The following CMTM8 variants were observed in gnomAD, a reference collection of about 807,000 sequenced individuals.
CMTM8 encodes CKLF-like MARVEL transmembrane domain-containing protein 8.
Under a neutral mutation model 18.6 loss-of-function variants are expected in CMTM8, and 12 were observed. That is an observed-to-expected ratio of 0.65 (90% CI 0.41 to 1.05). CMTM8 has a LOEUF of 1.05. CMTM8 is among the 50% of genes least tolerant of loss of function. CMTM8 has a pLI of 0.00. For missense variants in CMTM8, 217 were observed against 227.2 expected (o/e 0.95, Z 0.29); for synonymous variants, 87 against 90.6 (o/e 0.96, Z 0.23).
In CMTM8 at chr3:32,304,630, C is replaced by T. The variant is rs923090435; in HGVS notation, c.148-52743C>T. Among the ~76,000 whole-genome samples the T allele has an allele frequency of 2.0e-5, 3 of 152,202 alleles. No homozygotes were observed. In the South Asian group the frequency reaches 6.2e-4, roughly 32 times the overall value. On this transcript the variant is annotated intron_variant, in intron 1 of 3. Coordinates refer to ENST00000307526, the MANE Select transcript of CMTM8 (RefSeq NM_178868.5). The stretch of plus-strand genomic sequence containing the variant: ...ATATTTGTCTGGAGTTAGTAGCCTG[C>T]AATGATTACCGAAGGTCCAGATGAG...
intron 1 of CMTM8, among the ~76,000 whole-genome samples, chr3:32,346,814 C>CTTTT (rs34230571): frequency 6.8e-5 from 9 of 131,456 alleles, no homozygotes; most frequent in African/African-American, 8.2e-5. Flanking sequence ...TGTTATAATT[C>CTTTT]TTTTTTTTTT....
chr3:32,250,481 G>A (rs1386017161), intron 1 of CMTM8, among the ~76,000 whole-genome samples: 1 of 152,126 alleles, frequency 6.6e-6, no homozygotes, highest in Admixed American at 6.5e-5. Context: ...GGTGAGTACT[G>A]CCATCATAAC....
At chr3:32,241,104 A>G (rs1701941749) in intron 1 of CMTM8, among the ~76,000 whole-genome samples, 1 of 152,082 alleles carries the variant, frequency 6.6e-6, no homozygotes, top group Admixed American at 6.5e-5. Context: ...ACATATTTTA[A>G]AGATTCGGTC....
intron 2 of CMTM8, among the ~76,000 whole-genome samples, chr3:32,361,286 G>GTTTGTTTTTTTTTTGTT (rs140270969): frequency 1.1e-5 from 1 of 87,230 alleles, no homozygotes; most frequent in Non-Finnish European, 2.4e-5. Flanking sequence ...CAGCCTAAGA[G>GTTTGTTTTTTTTTTGTT]TTTTTTTTTC....
intron 1 of CMTM8, among the ~76,000 whole-genome samples, chr3:32,309,277 C>T (rs192522221): frequency 2.0e-4 from 30 of 146,786 alleles, no homozygotes; most frequent in Non-Finnish European, 4.0e-4. Flanking sequence ...TCAAGCATGG[C>T]TGAGCTCTCA....
chr3:32,328,707 G>T (rs1484076176), intron 1 of CMTM8, among the ~76,000 whole-genome samples: 1 of 152,092 alleles, frequency 6.6e-6, no homozygotes, highest in South Asian at 2.1e-4. Context: ...AGACTACTAT[G>T]AACAATTATA....
At chr3:32,346,757 C>T (rs1471311896) in intron 1 of CMTM8, among the ~76,000 whole-genome samples, 3 of 151,888 alleles carry the variant, frequency 2.0e-5, no homozygotes, top group Non-Finnish European at 4.4e-5. Context: ...GGGAAGCACA[C>T]GTTTGGTCTG....
At chr3:32,305,856 A>C (rs1695705533) in intron 1 of CMTM8, among the ~76,000 whole-genome samples, 1 of 152,252 alleles carries the variant, frequency 6.6e-6, no homozygotes, top group Non-Finnish European at 1.5e-5. Context: ...TTAAAAAATA[A>C]AATGTGTATT....
chr3:32,352,120 G>T (rs1166291473), intron 1 of CMTM8, among the ~76,000 whole-genome samples: 1 of 149,236 alleles, frequency 6.7e-6, no homozygotes, highest in Non-Finnish European at 1.5e-5. Flanking sequence ...GGAGGTTGCA[G>T]TGAGCCAAGA....
chr3:32,331,039 A>T (rs1237210320), intron 1 of CMTM8, among the ~76,000 whole-genome samples: 1 of 152,210 alleles, frequency 6.6e-6, no homozygotes, highest in Non-Finnish European at 1.5e-5. Flanking sequence ...CATTACAGAA[A>T]GGGAAAAGAT....
chr3:32,354,856 C>T (rs902514844), intron 1 of CMTM8, among the ~76,000 whole-genome samples: 10 of 152,184 alleles, frequency 6.6e-5, no homozygotes, highest in Admixed American at 5.9e-4. Context: ...AGAGTCAATT[C>T]GGGCCAAAAA....
At chr3:32,269,257 C>T (rs1241424748) in intron 1 of CMTM8, among the ~76,000 whole-genome samples, 2 of 152,082 alleles carry the variant, frequency 1.3e-5, no homozygotes, top group Non-Finnish European at 2.9e-5. Flanking sequence ...AAGCTCTGAC[C>T]TTCTTCTGTT....
intron 1 of CMTM8, among the ~76,000 whole-genome samples, chr3:32,297,155 T>C (rs565982491): frequency 6.6e-6 from 1 of 152,268 alleles, no homozygotes; most frequent in South Asian, 2.1e-4. Flanking sequence ...GTACACAGTC[T>C]AGGGATATCT....
chr3:32,310,299 G>A (rs1695795796), intron 1 of CMTM8, among the ~76,000 whole-genome samples: 1 of 152,084 alleles, frequency 6.6e-6, no homozygotes, highest in Admixed American at 6.6e-5. Flanking sequence ...TAGAGCAAAG[G>A]GATTTTGCTG....
chr3:32,341,162 T>A (rs1474310893), intron 1 of CMTM8, among the ~76,000 whole-genome samples: 4 of 152,366 alleles, frequency 2.6e-5, no homozygotes, highest in Non-Finnish European at 5.9e-5. Flanking sequence ...CTGTTCAGCC[T>A]GAAGATGGCA....
rs1185091842 is a variant in CMTM8 at position 32,279,167 on chromosome 3, A to T, written c.147+40048A>T. 6.1e-5 allele frequency among the ~76,000 whole-genome samples: 9 copies of T among 146,912 alleles called. No individual in the cohort carries two copies. The East Asian group carries it at 1.6e-3, about 26-fold the overall frequency. ...TTCTGTATTTTTCTTATAATTAGTG[A>T]TTTTTTTTTTTAATTTTTTTTTTAT... On this transcript the variant is annotated intron_variant, in intron 1 of 3. Coordinates refer to ENST00000307526, the MANE Select transcript of CMTM8 (RefSeq NM_178868.5).
chr3:32,360,195 T>A (rs926833992), intron 2 of CMTM8, among the ~76,000 whole-genome samples: 2 of 152,214 alleles, frequency 1.3e-5, no homozygotes, highest in African/African-American at 4.8e-5. Flanking sequence ...TTTCTTAGCA[T>A]CTTAAACAAC....
intron 2 of CMTM8, among the ~76,000 whole-genome samples, chr3:32,363,488 A>T (rs1696974253): frequency 6.6e-6 from 1 of 152,190 alleles, no homozygotes; most frequent in South Asian, 2.1e-4. Flanking sequence ...CTTCCAAAGG[A>T]GGCTGGAAGG....
intron 1 of CMTM8, among the ~76,000 whole-genome samples, chr3:32,243,313 C>G (rs1288624338): frequency 6.6e-6 from 1 of 151,708 alleles, no homozygotes; most frequent in Non-Finnish European, 1.5e-5. Context: ...AGCAGATTGC[C>G]TGAGCCCAGG....
Sources: allele counts gnomAD v4.1 joint callset (sites outside exome capture counted in the v4.1 genomes callset), GRCh38; gene constraint gnomAD v4.1.1; transcripts MANE v1.5; gene names NCBI Gene and HGNC (gene_info 2026-07-23, HGNC 2026-07-21).